LRRC53: variants seen among roughly 807,000 people sequenced by gnomAD.
The protein encoded by LRRC53 is leucine-rich repeat-containing protein 53.
LRRC53 carries 25 observed loss-of-function variants against 13.6 expected under a neutral mutation model. The ratio of observed to expected loss-of-function variants is 1.83; its 90% CI spans 1.34 to 2.56. The LOEUF (loss-of-function observed/expected upper bound fraction) is 2.56, where lower values mean the gene tolerates loss of function less well. Among genes scored for constraint, LRRC53 ranks in the 30% most tolerant of loss-of-function variants. The pLI is 0.00. For synonymous variants in LRRC53, 204 were observed against 109.8 expected (o/e 1.86, Z -5.37); for missense variants, 527 against 275.8 (o/e 1.91, Z -6.45).
intron 1 of LRRC53, among the ~76,000 whole-genome samples, chr1:74,486,189 C>T (rs1668749977): frequency 1.0e-5 from 1 of 96,534 alleles, no homozygotes; most frequent in Non-Finnish European, 2.4e-5. Context: ...TACCCTCAGG[C>T]TAAATGCTAT....
chr1:74,536,187 A>G, the LRRC53 span, among the ~76,000 whole-genome samples: 2 of 152,034 alleles, frequency 1.3e-5, no homozygotes, highest in African/African-American at 2.4e-5. Flanking sequence ...CACTTTTCCC[A>G]TTCTTCTTAG....
At chr1:74,486,201 A>AGAGAGAGAGAG (rs1668751420) in intron 1 of LRRC53, among the ~76,000 whole-genome samples, 7 of 136,412 alleles carry the variant, frequency 5.1e-5, no homozygotes, top group African/African-American at 7.9e-5. Context: ...AAATGCTATA[A>AGAGAGAGAGAG]AGAGAGAGAG....
At chr1:74,534,430 C>T in the LRRC53 span, among the ~76,000 whole-genome samples, 1 of 152,070 alleles carries the variant, frequency 6.6e-6, no homozygotes, top group Non-Finnish European at 1.5e-5. Context: ...TCATGAAATC[C>T]CAAAGCCAAA....
chr1:74,472,138 C>A lies in LRRC53; in HGVS notation c.1484G>T (p.Ser495Ile). 1 of 717,214 alleles carries A rather than the reference C, an allele frequency of 1.4e-6. No individual in the cohort carries two copies. 44.4% of individuals were successfully genotyped at this position (717,214 alleles called of 1,614,324 possible). The part of the protein sequence containing the change: ...ATPASALAGE[S>I]LEKRLTNESW... ...TTCATTTGTTAAACGCTTCTCAAGA[C>A]TTTCTCCTGCCAAGGCTGAAGCGGG... The change falls in exon 5 of 5, where the codon AGT (serine) becomes ATT (isoleucine). Residue 495 changes from serine (S) to isoleucine (I), a missense_variant. Transcript: ENST00000294635.
chr1:74,504,172 T>C (rs569789924), intron 1 of LRRC53, among the ~76,000 whole-genome samples: 2 of 152,218 alleles, frequency 1.3e-5, no homozygotes, highest in Non-Finnish European at 2.9e-5. Context: ...GCCCTCTGCA[T>C]TGCATGCTTC....
the LRRC53 span, among the ~76,000 whole-genome samples, chr1:74,531,120 C>A: frequency 6.6e-6 from 1 of 152,066 alleles, no homozygotes; most frequent in Non-Finnish European, 1.5e-5. Flanking sequence ...AGCCTGGGGA[C>A]ATTTGCCATT....
chr1:74,497,627 C>G (rs1030418622), intron 1 of LRRC53, among the ~76,000 whole-genome samples: 4 of 151,644 alleles, frequency 2.6e-5, no homozygotes, highest in Non-Finnish European at 5.9e-5. Context: ...CATTCCTCCA[C>G]ACACACAATT....
the LRRC53 span, among the ~76,000 whole-genome samples, chr1:74,518,679 A>G: frequency 1.3e-5 from 2 of 152,176 alleles, no homozygotes; most frequent in South Asian, 4.2e-4. Context: ...TCAAAACAAT[A>G]TCTGTTTTTT....
intron 1 of LRRC53, among the ~76,000 whole-genome samples, chr1:74,498,440 T>C (rs1270088117): frequency 6.6e-6 from 1 of 152,230 alleles, no homozygotes. Context: ...CCCTATTAGA[T>C]CATAAATATG....
the LRRC53 span, among the ~76,000 whole-genome samples, chr1:74,523,374 C>G: frequency 6.6e-6 from 1 of 152,062 alleles, no homozygotes; most frequent in Non-Finnish European, 1.5e-5. Context: ...TCTAAGAGAA[C>G]AAGCAATTTT....
At chr1:74,515,923 T>G (rs1416265351), upstream of LRRC53, among the ~76,000 whole-genome samples, 1 of 152,208 alleles carries the variant, frequency 6.6e-6, no homozygotes, top group African/African-American at 2.4e-5. Flanking sequence ...ACCTCCTGGC[T>G]GCCTTCAAGG....
Position 74,497,696 on chromosome 1 carries a change from TTAA to T in LRRC53, c.-26-14324_-26-14322del, listed in dbSNP as rs545898830. ...CTGCTTCCTAGCGTTTGCAACATCT[TTAA>T]CTTCTCTCCTGTTCCAGCTTCCTCA... On this transcript the variant is annotated intron_variant, in intron 1 of 4. Coordinates refer to ENST00000294635, the MANE Select transcript of LRRC53 (RefSeq NM_001382280.1). 9.9e-5 allele frequency among the ~76,000 whole-genome samples: 15 copies of T among 152,220 alleles called. No homozygotes were observed. In the East Asian group the frequency reaches 2.9e-3, roughly 29 times the overall value.
chr1:74,509,095 T>G (rs1468833457), intron 1 of LRRC53, among the ~76,000 whole-genome samples: 1 of 152,206 alleles, frequency 6.6e-6, no homozygotes, highest in Non-Finnish European at 1.5e-5. Context: ...CTTCTTCTTT[T>G]TATCACTTAT....
At chr1:74,512,983 T>C (rs1277303590), upstream of LRRC53, among the ~76,000 whole-genome samples, 2 of 152,198 alleles carry the variant, frequency 1.3e-5, no homozygotes, top group South Asian at 2.1e-4. Context: ...CTTTTGCCCT[T>C]TCACTAACAT....
At chr1:74,482,502 A>G (rs9326113) in intron 2 of LRRC53, among the ~76,000 whole-genome samples, 11,379 of 152,258 alleles carry the variant, frequency 0.075, 999 homozygotes, top group African/African-American at 0.22. Flanking sequence ...ACTATCCATG[A>G]AAACCTCTCT....
In LRRC53 at chr1:74,492,467, A is replaced by G. The variant is rs1026109336; in HGVS notation, c.-26-9092T>C. On this transcript the variant is annotated intron_variant, in intron 1 of 4. Transcript: ENST00000294635. ...TGTTAGCCTAGGTCCTCTAGTTGCAAGTAACAGGCATTAACCTAGCTTAAG... is the reference window on the plus strand; with the variant it reads ...TGTTAGCCTAGGTCCTCTAGTTGCAGGTAACAGGCATTAACCTAGCTTAAG... 3.4e-4 allele frequency among the ~76,000 whole-genome samples: 51 copies of G among 152,206 alleles called. 1 individual carries two copies. Among genetic ancestry groups the G allele is most frequent in the African/African-American group, 1.2e-3 (50 of 41,448 alleles).
At chr1:74,529,550 G>C in the LRRC53 span, among the ~76,000 whole-genome samples, 1 of 152,198 alleles carries the variant, frequency 6.6e-6, no homozygotes, top group Non-Finnish European at 1.5e-5. Context: ...GCGTTATTGA[G>C]ATAATTGGCA....
At chr1:74,519,778 T>C in the LRRC53 span, among the ~76,000 whole-genome samples, 1 of 152,156 alleles carries the variant, frequency 6.6e-6, no homozygotes, top group Non-Finnish European at 1.5e-5. Context: ...AGATATGTTA[T>C]AGTCAAGCCA....
chr1:74,504,547 A>G (rs576636455), intron 1 of LRRC53, among the ~76,000 whole-genome samples: 1 of 152,326 alleles, frequency 6.6e-6, no homozygotes, highest in East Asian at 1.9e-4. Flanking sequence ...ATCAAACAAA[A>G]TATTCTGTTC....
Sources: gnomAD v4.1 joint callset for allele counts (sites outside exome capture counted in the v4.1 genomes callset) on GRCh38, gnomAD v4.1.1 for gene constraint, MANE v1.5 for transcripts, NCBI Gene and HGNC (gene_info 2026-07-23, HGNC 2026-07-21) for gene names.